POLR3GL: variants seen among roughly 807,000 people sequenced by gnomAD.
POLR3GL encodes the protein DNA-directed RNA polymerase III subunit RPC7-like.
Under a neutral mutation model 32.4 loss-of-function variants are expected in POLR3GL, and 26 were observed. That is an observed-to-expected ratio of 0.80 (90% CI 0.59 to 1.11). The LOEUF is 1.11. POLR3GL is among the 50% of genes most tolerant of loss of function. POLR3GL has a pLI of 0.00. For missense variants in POLR3GL, 229 were observed against 280.1 expected, an observed-to-expected ratio of 0.82 and a Z score of 1.30; for synonymous variants, 95 against 98.7, an observed-to-expected ratio of 0.96 and a Z score of 0.22.
chr1:145,969,567 T>A (rs1229382173), intron 1 of POLR3GL, among the ~76,000 whole-genome samples: 1 of 147,662 alleles, frequency 6.8e-6, no homozygotes, highest in African/African-American at 2.5e-5. Context: ...CAGCCAAAAA[T>A]TTTTAAATTA....
At chr1:145,975,283 T>C in intron 2 of POLR3GL, 24 bp from the exon 3 acceptor site, 3 of 1,610,210 alleles carry the variant, frequency 1.9e-6, no homozygotes, top group Non-Finnish European at 2.5e-6. Context: ...CTCCCTGAAC[T>C]GACCACTGCC....
chr1:145,965,496 C>T (rs1243413772), intron 1 of POLR3GL, among the ~76,000 whole-genome samples: 1 of 152,136 alleles, frequency 6.6e-6, no homozygotes, highest in African/African-American at 2.4e-5. Context: ...TTATGGATCA[C>T]AATTTCTCAA....
At chr1:145,971,185 CAAAA>C (rs36126138) in intron 1 of POLR3GL, among the ~76,000 whole-genome samples, 13 of 90,662 alleles carry the variant, frequency 1.4e-4, no homozygotes, top group African/African-American at 6.1e-4. Flanking sequence ...AACTCCATCT[CAAAA>C]AAAAAAAAAA....
chr1:145,966,513 C>A (rs1276867516), intron 1 of POLR3GL, among the ~76,000 whole-genome samples: 3 of 148,858 alleles, frequency 2.0e-5, no homozygotes, highest in Admixed American at 2.0e-4. Context: ...AGAGGCCGGG[C>A]GTGATGGCTC....
intron 7 of POLR3GL, 32 bp from the exon 8 acceptor site, chr1:145,978,329 A>G: frequency 6.9e-7 from 1 of 1,442,554 alleles, no homozygotes; most frequent in Non-Finnish European, 9.4e-7. Flanking sequence ...TGAATGCCAA[A>G]TTGACTTTTA....
At chr1:145,975,159 C>T in intron 2 of POLR3GL, 148 bp from the exon 3 acceptor site, 1 of 1,304,644 alleles carries the variant, frequency 7.7e-7, no homozygotes, top group Non-Finnish European at 1.0e-6. Context: ...CTTTACTTCT[C>T]CCCAGCTTTC....
intron 4 of POLR3GL, among the ~76,000 whole-genome samples, 154 bp from the exon 5 acceptor site, chr1:145,977,329 C>T (rs1392472163): frequency 6.6e-6 from 1 of 152,156 alleles, no homozygotes; most frequent in Non-Finnish European, 1.5e-5. Flanking sequence ...TAAATAGTTC[C>T]CACTACTCAG....
At chr1:145,966,483 CA>C (rs781955120) in intron 1 of POLR3GL, among the ~76,000 whole-genome samples, 8,466 of 57,774 alleles carry the variant, frequency 0.15, 866 homozygotes, top group African/African-American at 0.35. Context: ...GAACCTGTCT[CA>C]AAAAAAAAAA....
At chr1:145,974,797 T>G in intron 1 of POLR3GL, 28 bp from the exon 2 acceptor site, 1 of 1,397,012 alleles carries the variant, frequency 7.2e-7, no homozygotes, top group Non-Finnish European at 9.4e-7. Context: ...ACTACATTTC[T>G]TTTTCTCTTT....
intron 1 of POLR3GL, among the ~76,000 whole-genome samples, chr1:145,973,702 A>G (rs1353512860): frequency 6.6e-6 from 1 of 150,858 alleles, no homozygotes; most frequent in Non-Finnish European, 1.5e-5. Context: ...ACAAAGTGAG[A>G]CTCTGTCTCA....
At position 145,972,682 on chromosome 1, in the gene POLR3GL, G is replaced by A. The variant is rs587701374; in HGVS notation, c.-41-2143G>A. On this transcript the variant is annotated intron_variant, in intron 1 of 7. Transcript: ENST00000369314. Reference sequence around the variant, plus strand: ...CCTCATCAATATGTTTATTTTTTTCGTTTTTTCTCCTTTTTGTTTGTTTTT... The same window carrying A: ...CCTCATCAATATGTTTATTTTTTTCATTTTTTCTCCTTTTTGTTTGTTTTT... Among the ~76,000 whole-genome samples, 69 of 151,630 alleles carry A rather than the reference G, an allele frequency of 4.6e-4. No homozygotes were observed. In the South Asian group the frequency reaches 7.9e-3, roughly 17 times the overall value.
chr1:145,978,366 T>C lies in POLR3GL; in HGVS notation c.576T>C (p.Thr192=). The change falls in exon 8 of 8, where the codon ACT becomes ACC. Residue 192 remains threonine (T), a synonymous_variant. Coordinates refer to ENST00000369314, the MANE Select transcript of POLR3GL (RefSeq NM_032305.3). Reference sequence around the variant, plus strand: ...TTTTTTTTTTTCCATTTCAGGAAACTGATTACATCATGTCATATTTTGACA... The same window carrying C: ...TTTTTTTTTTTCCATTTCAGGAAACCGATTACATCATGTCATATTTTGACA... ...EYDEEEHEEE[T]DYIMSYFDNG... 6.4e-7 allele frequency: 1 copy of C among 1,574,616 alleles called. No individual in the cohort carries two copies. The highest frequency in any genetic ancestry group is 1.1e-5 in the South Asian group (1 of 89,190).
intron 1 of POLR3GL, among the ~76,000 whole-genome samples, chr1:145,969,776 A>G (rs111819007): frequency 0.052 from 7,814 of 150,636 alleles, 640 homozygotes; most frequent in African/African-American, 0.17. Flanking sequence ...AAAATTAGCT[A>G]AGCATGGTGG....
At chr1:145,976,615 G>A (rs587594770) in intron 3 of POLR3GL, among the ~76,000 whole-genome samples, 169 of 150,594 alleles carry the variant, frequency 1.1e-3, no homozygotes, top group Non-Finnish European at 1.8e-3. Flanking sequence ...AAAGGAACAG[G>A]TTAGAAGAGT....
intron 1 of POLR3GL, among the ~76,000 whole-genome samples, chr1:145,973,720 A>C (rs975993433): frequency 2.0e-5 from 3 of 151,054 alleles, no homozygotes; most frequent in Non-Finnish European, 4.4e-5. Context: ...TCAAGAAAAA[A>C]AAAAAGAAGA....
At chr1:145,972,039 TAGAGAG>T (rs1201679187) in intron 1 of POLR3GL, among the ~76,000 whole-genome samples, 4 of 128,562 alleles carry the variant, frequency 3.1e-5, no homozygotes, top group Admixed American at 1.7e-4. Context: ...TGTATATATA[TAGAGAG>T]AGAGAGAGAG....
At chr1:145,966,116 CAA>C (rs58691867) in intron 1 of POLR3GL, among the ~76,000 whole-genome samples, 48 of 37,138 alleles carry the variant, frequency 1.3e-3, no homozygotes, top group African/African-American at 4.1e-3. Context: ...AACTCCCTCT[CAA>C]AAAAAAAAAA....
rs1420856945 is a variant in POLR3GL at position 145,976,932 on chromosome 1, GT to G, written c.257-151del. ...TGTCTCAAAAAAAAAAAAAAAAAAAGTAGATAAGGTCCTCACTGAAGCTGAC... is the reference window on the plus strand; with the variant it reads ...TGTCTCAAAAAAAAAAAAAAAAAAAGAGATAAGGTCCTCACTGAAGCTGAC... On this transcript the variant is annotated intron_variant, in intron 3 of 7. Coordinates refer to ENST00000369314, the MANE Select transcript of POLR3GL (RefSeq NM_032305.3). 1.3e-3 allele frequency: 35 copies of G among 27,710 alleles called. 11 individuals carry two copies. Among genetic ancestry groups the G allele is most frequent in the Admixed American group, 3.1e-3 (4 of 1,300 alleles). The allele number at this position is 27,710 out of a possible 1,614,324, so 1.7% of individuals were successfully genotyped here. A position where few individuals can be genotyped will look rare whatever the true frequency, so the allele number is the denominator to read the frequency against.
Position 145,974,877 on chromosome 1 carries a change from G to A in POLR3GL, c.12G>A (p.Arg4=), listed in dbSNP as rs2101939670. 1 of 1,516,128 alleles carries A rather than the reference G, an allele frequency of 6.6e-7. No individual in the cohort carries two copies. The highest frequency in any genetic ancestry group is 8.8e-7 in the Non-Finnish European group (1 of 1,141,676). The allele number at this position is 1,516,128 out of a possible 1,614,324, so 93.9% of individuals were successfully genotyped here. The change falls in exon 2 of 8, where the codon CGG becomes CGA. Residue 4 remains arginine (R), a synonymous_variant. Coordinates refer to ENST00000369314, the MANE Select transcript of POLR3GL (RefSeq NM_032305.3). ...AGGCCCCCTCCACCATGGCCAGCCG[G>A]GGTGGGGGCCGGGGTCGTGGCCGGG... MAS[R]GGGRGRGRGQ...
Sources: gnomAD v4.1 joint callset for allele counts (sites outside exome capture counted in the v4.1 genomes callset) on GRCh38, gnomAD v4.1.1 for gene constraint, MANE v1.5 for transcripts, NCBI Gene and HGNC (gene_info 2026-07-23, HGNC 2026-07-21) for gene names.